PEX11B: variants seen among roughly 807,000 people sequenced by gnomAD.
The protein encoded by PEX11B is peroxisomal membrane protein 11B.
Under a neutral mutation model 28.2 loss-of-function variants are expected in PEX11B, and 18 were observed. The ratio of observed to expected loss-of-function variants is 0.64; its 90% CI spans 0.44 to 0.95. The LOEUF (loss-of-function observed/expected upper bound fraction) is 0.95, where lower values mean the gene tolerates loss of function less well. Among genes scored for constraint, PEX11B ranks in the 40% least tolerant of loss-of-function variants. PEX11B has a pLI of 0.00. For missense variants in PEX11B, 305 were observed against 319.8 expected, an observed-to-expected ratio of 0.95 and a Z score of 0.35; for synonymous variants, 128 against 128.7, an observed-to-expected ratio of 0.99 and a Z score of 0.04.
intron 2 of PEX11B, among the ~76,000 whole-genome samples, chr1:145,917,406 G>A (rs1013812773): frequency 6.6e-6 from 1 of 152,128 alleles, no homozygotes; most frequent in Non-Finnish European, 1.5e-5. Flanking sequence ...ACTCTGACCT[G>A]GACGAGAGAC....
intron 3 of PEX11B, among the ~76,000 whole-genome samples, chr1:145,916,488 C>T (rs781906978): frequency 9.9e-5 from 15 of 152,154 alleles, no homozygotes; most frequent in Non-Finnish European, 1.8e-4. Flanking sequence ...TTATCCCCTG[C>T]GCCACAGTAA....
rs944348171 is a variant in PEX11B, at chr1:145,912,485, A to C, written c.456T>G (p.Ala152=). The change falls in exon 4 of 4, where the codon GCT becomes GCG. Residue 152 remains alanine (A), a synonymous_variant. Coordinates refer to ENST00000369306, the MANE Select transcript of PEX11B (RefSeq NM_003846.3). ...IRLLMEQESS[A]CSRRLKGSGG... ...CAGAACCTTTCAGTCGCCGGCTACA[A>C]GCAGAAGACTCTTGCTCCATCAGTA... 5.3e-6 allele frequency: 8 copies of C among 1,514,062 alleles called. No individual in the cohort carries two copies. Among genetic ancestry groups the C allele is most frequent in the Non-Finnish European group, 7.1e-6 (8 of 1,131,938 alleles). The allele number at this position is 1,514,062 out of a possible 1,614,324, so 93.8% of individuals were successfully genotyped here.
At chr1:145,912,760 A>G (rs1553753357) in intron 3 of PEX11B, among the ~76,000 whole-genome samples, 194 bp from the exon 4 acceptor site, 1 of 152,170 alleles carries the variant, frequency 6.6e-6, no homozygotes, top group Non-Finnish European at 1.5e-5. Context: ...CAGACACAGA[A>G]AGACAAATAC....
intron 3 of PEX11B, among the ~76,000 whole-genome samples, chr1:145,915,622 T>C (rs1487985094): frequency 6.6e-6 from 1 of 151,504 alleles, no homozygotes; most frequent in East Asian, 1.9e-4. Context: ...CCATTTTCTT[T>C]TCTTTTCTTT....
At position 145,917,801 on chromosome 1, in the gene PEX11B, A is replaced by T; in HGVS notation, c.72T>A (p.Ala24=). 6.2e-7 allele frequency: 1 copy of T among 1,613,016 alleles called. No individual in the cohort carries two copies. The highest frequency in any genetic ancestry group is 8.5e-7 in the Non-Finnish European group (1 of 1,178,984). The change falls in exon 2 of 4, where the codon GCT becomes GCA. Residue 24 remains alanine, a synonymous_variant. Transcript: ENST00000369306. ...GCAGCGCATGGCCAAGAAGAGAGCA[A>T]GCATACTGGGCGGCCCTAGAGGAGA... is the stretch of plus-strand genomic sequence containing the variant. The part of the protein sequence containing the change: ...RERLCRAAQY[A]CSLLGHALQR...
intron 1 of PEX11B, 111 bp from the exon 2 acceptor site, chr1:145,917,927 C>T (rs1484947926): frequency 3.6e-6 from 5 of 1,389,552 alleles, no homozygotes; most frequent in Non-Finnish European, 2.9e-6. Context: ...GAGAACACTC[C>T]CCTTCCTCCT....
rs1208800480 is a variant in PEX11B at position 145,911,800 on chromosome 1, G to A, written c.*361C>T. On this transcript the variant is annotated 3_prime_UTR_variant, in exon 4 of 4. Coordinates refer to ENST00000369306, the MANE Select transcript of PEX11B (RefSeq NM_003846.3). ...AACCTTATACCTCCCCTATCAAAAA[G>A]TAATTCTGCTGATTAAATCCCTGGA... 1 of 162,958 alleles carries A rather than the reference G, an allele frequency of 6.1e-6. No individual in the cohort carries two copies. Among genetic ancestry groups the A allele is most frequent in the Non-Finnish European group, 1.3e-5 (1 of 75,254 alleles). 10.1% of individuals were successfully genotyped at this position (162,958 alleles called of 1,614,324 possible). A position where few individuals can be genotyped will look rare whatever the true frequency, so the allele number is the denominator to read the frequency against.
rs956384151 is a variant in PEX11B, at chr1:145,918,717, T to C, written c.-29A>G. On this transcript the variant is annotated 5_prime_UTR_variant, in exon 1 of 4. Coordinates refer to ENST00000369306, the MANE Select transcript of PEX11B (RefSeq NM_003846.3). The stretch of plus-strand genomic sequence containing the variant: ...AGCCGCAGCCCAGGCTCCGCGGCCC[T>C]GCTCCCGCCCCACTTCCCGCCCCTA... The C allele has an allele frequency of 6.4e-7, 1 of 1,554,384 alleles. No individual in the cohort carries two copies. The highest frequency in any genetic ancestry group is 1.4e-5 in the African/African-American group (1 of 73,098).
intron 3 of PEX11B, among the ~76,000 whole-genome samples, chr1:145,914,835 A>G (rs1372034366): frequency 1.3e-5 from 2 of 152,150 alleles, no homozygotes; most frequent in Non-Finnish European, 2.9e-5. Context: ...TGATATTTTA[A>G]TTTATTGTTT....
At chr1:145,915,981 T>C (rs908799623) in intron 3 of PEX11B, among the ~76,000 whole-genome samples, 4 of 152,138 alleles carry the variant, frequency 2.6e-5, no homozygotes, top group African/African-American at 9.7e-5. Flanking sequence ...TAAACACAAT[T>C]TGAATCATGT....
chr1:145,916,724 G>T, intron 3 of PEX11B, 93 bp downstream of exon 3: 1 of 897,404 alleles, frequency 1.1e-6, no homozygotes, highest in Non-Finnish European at 1.8e-6. Context: ...ATATACTCTG[G>T]AAAGATCCTA....
rs782466264 is a variant in PEX11B, at chr1:145,912,067, CA to C, written c.*93del. The stretch of plus-strand genomic sequence containing the variant: ...AAATCTCTGAATTTCTAACTTTAAC[CA>C]AAGAGTAGAATTCGAATGAGGCTGG... On this transcript the variant is annotated 3_prime_UTR_variant, in exon 4 of 4. Transcript: ENST00000369306. 6 of 1,017,786 alleles carry C rather than the reference CA, an allele frequency of 5.9e-6. No homozygotes were observed. The highest frequency in any genetic ancestry group is 8.2e-6 in the Non-Finnish European group (6 of 733,348). 63.0% of individuals were successfully genotyped at this position (1,017,786 alleles called of 1,614,324 possible).
chr1:145,912,668 C>A, intron 3 of PEX11B, 102 bp from the exon 4 acceptor site: 1 of 785,716 alleles, frequency 1.3e-6, no homozygotes, highest in Non-Finnish European at 1.9e-6. Flanking sequence ...AGAGATTACA[C>A]ATTAGATCAG....
Position 145,912,439 on chromosome 1 carries a change from T to G in PEX11B, c.502A>C (p.Ser168Arg), listed in dbSNP as rs1339864282. The change falls in exon 4 of 4, where the codon AGT (serine) becomes CGT (arginine). Residue 168 changes from serine to arginine, a missense_variant. Physicochemically the swap from Ser to Arg is moderately radical, Grantham distance 110 (BLOSUM62 -1). Coordinates refer to ENST00000369306, the MANE Select transcript of PEX11B (RefSeq NM_003846.3). ...KGSGGGVPGG[S>R]ETGGLGGPGT... ...GGTCCCCCAAGTCCCCCAGTTTCACTTCCTCCTGGGACTCCTCCTCCAGAA... is the reference window on the plus strand; with the variant it reads ...GGTCCCCCAAGTCCCCCAGTTTCACGTCCTCCTGGGACTCCTCCTCCAGAA... The G allele has an allele frequency of 1.9e-6, 3 of 1,566,706 alleles. No individual in the cohort carries two copies. The highest frequency in any genetic ancestry group is 2.6e-6 in the Non-Finnish European group (3 of 1,155,662).
intron 2 of PEX11B, 68 bp from the exon 3 acceptor site, chr1:145,917,086 A>G (rs1553754035): frequency 1.0e-6 from 1 of 995,602 alleles, no homozygotes; most frequent in African/African-American, 1.6e-5. Context: ...AAACAGAAAC[A>G]GAGAAAGCAA....
chr1:145,912,381 G>A lies in PEX11B; in HGVS notation c.560C>T (p.Ala187Val), dbSNP rs1657845030. The A allele has an allele frequency of 1.2e-6, 2 of 1,611,532 alleles. No individual in the cohort carries two copies. The highest frequency in any genetic ancestry group is 1.1e-5 in the South Asian group (1 of 90,676). ...GTPGGGLPQL[A>V]LKLRLQVLLL... ...CAGGACTTGCAGCCGAAGTTTCAGAGCCAGTTGGGGCAGACCTCCTCCTGG... is the reference window on the plus strand; with the variant it reads ...CAGGACTTGCAGCCGAAGTTTCAGAACCAGTTGGGGCAGACCTCCTCCTGG... Residue 187 changes from alanine to valine, a missense_variant, in exon 4 of 4, where the codon GCT (alanine) becomes GTT (valine). Ala to Val is a moderately conservative substitution (Grantham distance 64). Transcript: ENST00000369306.
At chr1:145,915,491 G>C (rs184260521) in intron 3 of PEX11B, among the ~76,000 whole-genome samples, 1 of 152,060 alleles carries the variant, frequency 6.6e-6, no homozygotes, top group African/African-American at 2.4e-5. Context: ...TAATATGTTA[G>C]AGAATTTTAC....
chr1:145,917,977 G>GGAAA, intron 1 of PEX11B, 161 bp from the exon 2 acceptor site: 1 of 980,070 alleles, frequency 1.0e-6, no homozygotes. Context: ...CCAGAGGAAG[G>GGAAA]GAAAGGCATA....
In PEX11B at chr1:145,912,259, A is replaced by G. The variant is rs200118371; in HGVS notation, c.682T>C (p.Trp228Arg). ...CCCACAATCCCAGGGCCACAGCGCCAGAGGCCTAGTTTGTCCAGAGGAATG... is the reference window on the plus strand; with the variant it reads ...CCCACAATCCCAGGGCCACAGCGCCGGAGGCCTAGTTTGTCCAGAGGAATG... ...LFIPLDKLGL[W>R]RCGPGIVGLC... The change falls in exon 4 of 4, where the codon TGG becomes CGG. Residue 228 changes from tryptophan to arginine, a missense_variant. Physicochemically the swap from Trp to Arg is moderately radical, Grantham distance 101. Transcript: ENST00000369306. The G allele has an allele frequency of 6.2e-7, 1 of 1,614,102 alleles. No individual in the cohort carries two copies. The highest frequency in any genetic ancestry group is 1.3e-5 in the African/African-American group (1 of 75,052).
Sources: gnomAD v4.1 joint callset for allele counts (sites outside exome capture counted in the v4.1 genomes callset) on GRCh38, gnomAD v4.1.1 for gene constraint, MANE v1.5 for transcripts, NCBI Gene and HGNC (gene_info 2026-07-23, HGNC 2026-07-21) for gene names.